Variants in LAMC3 observed in about 807,000 individuals in gnomAD.
LAMC3 encodes laminin subunit gamma-3.
A neutral mutation model predicts 173.8 loss-of-function variants in LAMC3; 128 were observed. The observed-to-expected ratio is 0.74, with a 90% confidence interval of 0.64 to 0.85. The LOEUF is 0.85. Among genes scored for constraint, LAMC3 ranks in the 40% least tolerant of loss-of-function variants. The pLI is 0.00. For missense variants in LAMC3, 2,022 were observed against 2,156.0 expected (o/e 0.94, Z 1.23); for synonymous variants, 897 against 909.1 (o/e 0.99, Z 0.24).
At chr9:131,012,112 C>T (rs1022014556) in intron 1 of LAMC3, among the ~76,000 whole-genome samples, 2 of 151,222 alleles carry the variant, frequency 1.3e-5, no homozygotes. Flanking sequence ...TGTCTTATCC[C>T]GGTGAGCATT....
At chr9:131,054,790 AAGAGAG>A (rs563768584) in intron 11 of LAMC3, among the ~76,000 whole-genome samples, 1 of 137,052 alleles carries the variant, frequency 7.3e-6, no homozygotes, top group African/African-American at 2.9e-5. Flanking sequence ...GAGGGGGAGA[AAGAGAG>A]AGAGAGAGTG....
At chr9:131,068,579 A>T (rs1385568800) in intron 15 of LAMC3, among the ~76,000 whole-genome samples, 1 of 150,072 alleles carries the variant, frequency 6.7e-6, no homozygotes, top group Non-Finnish European at 1.5e-5. Flanking sequence ...CCAGGGAAAC[A>T]CCAAGTGGAG....
Position 131,052,585 on chromosome 9 carries a change from G to A in LAMC3, c.1725G>A (p.Leu575=), listed in dbSNP as rs1834312388. 7 of 1,614,020 alleles carry A rather than the reference G, an allele frequency of 4.3e-6. No homozygotes were observed. In the East Asian group the frequency reaches 1.6e-4, roughly 36 times the overall value. The change falls in exon 10 of 28, where the codon CTG becomes CTA. Residue 575 remains leucine (L), a synonymous_variant. Transcript: ENST00000361069. The stretch of plus-strand genomic sequence containing the variant: ...GGGACTCCCCACTCCCTGTACAGCT[G>A]AGGCTGGAAGGGACAGGCTTGGCCC... ...PPGDSPLPVQ[L]RLEGTGLALS...
At chr9:131,030,664 T>G (rs1234644744) in intron 2 of LAMC3, among the ~76,000 whole-genome samples, 1 of 152,200 alleles carries the variant, frequency 6.6e-6, no homozygotes, top group South Asian at 2.1e-4. Context: ...GCCCTAACCA[T>G]ACAATATGTG....
intron 25 of LAMC3, among the ~76,000 whole-genome samples, chr9:131,087,147 GA>G (rs1412068033): frequency 6.6e-6 from 1 of 152,240 alleles, no homozygotes; most frequent in Non-Finnish European, 1.5e-5. Flanking sequence ...TGGTGCCTAG[GA>G]AAAGTGCTGG....
chr9:131,050,100 G>A (rs1834252980), intron 9 of LAMC3, among the ~76,000 whole-genome samples: 1 of 152,232 alleles, frequency 6.6e-6, no homozygotes. Context: ...AAGCTCAGAG[G>A]CCCATGAGCA....
At chr9:131,053,842 ACAG>A (rs66595386) in intron 11 of LAMC3, among the ~76,000 whole-genome samples, 38,581 of 151,398 alleles carry the variant, frequency 0.25, 5,430 homozygotes, top group Middle Eastern at 0.34. Context: ...CAAAACAACA[ACAG>A]CAACAATAAC....
intron 1 of LAMC3, among the ~76,000 whole-genome samples, chr9:131,023,697 T>C (rs1833669822): frequency 1.3e-5 from 2 of 152,180 alleles, no homozygotes; most frequent in South Asian, 4.1e-4. Flanking sequence ...AGCCTCTAAT[T>C]CCTAGGCTCA....
intron 1 of LAMC3, among the ~76,000 whole-genome samples, chr9:131,019,879 C>A (rs1833596952): frequency 6.6e-6 from 1 of 151,572 alleles, no homozygotes; most frequent in Admixed American, 6.6e-5. Flanking sequence ...CACAGCAGAG[C>A]CTCCCCCGGC....
chr9:131,079,023 G>T, intron 22 of LAMC3, 126 bp from the exon 23 acceptor site: 2 of 1,207,468 alleles, frequency 1.7e-6, no homozygotes, highest in Non-Finnish European at 2.4e-6. Flanking sequence ...CAGGGGGCTT[G>T]GGTTCTTGGC....
intron 9 of LAMC3, among the ~76,000 whole-genome samples, chr9:131,050,743 G>A (rs2133277433): frequency 6.6e-6 from 1 of 151,356 alleles, no homozygotes; most frequent in South Asian, 2.1e-4. Context: ...ACTCCAGCCT[G>A]GGCGACAGAG....
chr9:131,085,575 AG>A lies in LAMC3; in HGVS notation c.4084del (p.Ala1362GlnfsTer55). 6.2e-7 allele frequency: 1 copy of A among 1,614,124 alleles called. No individual in the cohort carries two copies. Among genetic ancestry groups the A allele is most frequent in the Non-Finnish European group, 8.5e-7 (1 of 1,180,026 alleles). ...RPKDQAALQRKADSVSDRLLA... is the reference protein window; with the variant it reads ...RPKDQAALQRXADSVSDRLLA... ...AAGGACCAGGCGGCATTGCAGAGGAAGGCAGACTCCGTCAGTGACAGACTCC... is the reference window on the plus strand; with the variant it reads ...AAGGACCAGGCGGCATTGCAGAGGAAGCAGACTCCGTCAGTGACAGACTCC... On this transcript the variant is annotated frameshift_variant, in exon 25 of 28. Coordinates refer to ENST00000361069, the MANE Select transcript of LAMC3 (RefSeq NM_006059.4). LOFTEE classifies it high-confidence loss of function.
intron 1 of LAMC3, among the ~76,000 whole-genome samples, chr9:131,013,742 C>T (rs1316067805): frequency 3.9e-5 from 6 of 152,154 alleles, no homozygotes; most frequent in Non-Finnish European, 8.8e-5. Context: ...TTCGACCTGC[C>T]GGGCCTGGAT....
Position 131,032,166 on chromosome 9 carries a change from T to G in LAMC3, c.800T>G (p.Val267Gly). ...TATTATGCCGTGTCCGACTTCTCTG[T>G]GGGCGGCAGGTAGGAGGGAGGAGGG... ...SYYYAVSDFS[V>G]GGRCKCNGHA... Residue 267 changes from valine (V) to glycine (G), a missense_variant, in exon 3 of 28, where the codon GTG becomes GGG. By Grantham distance (109) the Val-to-Gly change is moderately radical. Transcript: ENST00000361069. 2 of 1,547,448 alleles carry G rather than the reference T, an allele frequency of 1.3e-6. No individual in the cohort carries two copies. Among genetic ancestry groups the G allele is most frequent in the Non-Finnish European group, 1.8e-6 (2 of 1,140,466 alleles).
rs1398405345 is a variant in LAMC3, at chr9:131,052,691, T to C, written c.1823+8T>C. Reference sequence around the variant, plus strand: ...GGTAGAGCTCAGGTTCCAGTAAGTATCCCCTTCTGTCCTGAGAGATGGGGA... The same window carrying C: ...GGTAGAGCTCAGGTTCCAGTAAGTACCCCCTTCTGTCCTGAGAGATGGGGA... On this transcript the variant is annotated splice_region_variant and intron_variant, in intron 10 of 27. Coordinates refer to ENST00000361069, the MANE Select transcript of LAMC3 (RefSeq NM_006059.4). 4.3e-6 allele frequency: 7 copies of C among 1,611,232 alleles called. No individual in the cohort carries two copies. Among genetic ancestry groups the C allele is most frequent in the Non-Finnish European group, 5.9e-6 (7 of 1,178,104 alleles).
In LAMC3 at chr9:131,091,759, T is replaced by C. The variant is rs753735088; in HGVS notation, c.4700T>C (p.Leu1567Pro). ...KQNLEAILHSLPENCASWQ is the reference protein window; with the variant it reads ...KQNLEAILHSPPENCASWQ ...AACCTGGAGGCCATTCTGCACAGCC[T>C]GCCCGAGAACTGTGCCAGCTGGCAG... Residue 1567 changes from leucine (L) to proline (P), a missense_variant, in exon 28 of 28, where the codon CTG becomes CCG. Physicochemically the swap from Leu to Pro is moderately conservative, Grantham distance 98. Coordinates refer to ENST00000361069, the MANE Select transcript of LAMC3 (RefSeq NM_006059.4). The C allele has an allele frequency of 1.2e-6, 2 of 1,613,096 alleles. No individual in the cohort carries two copies. Among genetic ancestry groups the C allele is most frequent in the South Asian group, 2.2e-5 (2 of 91,042 alleles).
intron 17 of LAMC3, among the ~76,000 whole-genome samples, chr9:131,070,955 G>A (rs1830026929): frequency 6.6e-6 from 1 of 152,190 alleles, no homozygotes; most frequent in African/African-American, 2.4e-5. Context: ...GGGAATGGAG[G>A]ACAGGGCCCA....
At chr9:131,016,642 T>A in intron 1 of LAMC3, among the ~76,000 whole-genome samples, 1 of 152,230 alleles carries the variant, frequency 6.6e-6, no homozygotes, top group East Asian at 1.9e-4. Flanking sequence ...ATTCTCATGG[T>A]GATTGGAGCC....
intron 9 of LAMC3, among the ~76,000 whole-genome samples, chr9:131,052,193 G>A (rs556274946): frequency 1.3e-4 from 20 of 152,188 alleles, no homozygotes; most frequent in Non-Finnish European, 2.5e-4. Context: ...TATCCCCTCC[G>A]TTCACCCTCG....
Sources: gnomAD v4.1 joint callset for allele counts (sites outside exome capture counted in the v4.1 genomes callset) on GRCh38, gnomAD v4.1.1 for gene constraint, MANE v1.5 for transcripts, NCBI Gene and HGNC (gene_info 2026-07-23, HGNC 2026-07-21) for gene names.